Variants in ARNT observed in about 807,000 individuals in gnomAD.
The protein encoded by ARNT is class E basic helix-loop-helix protein 2.
ARNT carries 30 observed loss-of-function variants against 105.0 expected under a neutral mutation model. The ratio of observed to expected loss-of-function variants is 0.29; its 90% CI spans 0.21 to 0.39. The LOEUF (loss-of-function observed/expected upper bound fraction) is 0.39, where lower values mean the gene tolerates loss of function less well. ARNT is among the 10% of genes least tolerant of loss of function. The probability of loss-of-function intolerance (pLI) is 1.00; values close to 1 mark genes in which losing one functional copy is unlikely to be tolerated. For missense variants in ARNT, 748 were observed against 978.7 expected (o/e 0.76, Z 3.15); for synonymous variants, 304 against 344.0 (o/e 0.88, Z 1.29).
At chr1:150,849,144 G>A (rs754758990) in intron 3 of ARNT, among the ~76,000 whole-genome samples, 5 of 151,838 alleles carry the variant, frequency 3.3e-5, no homozygotes, top group East Asian at 1.9e-4. Flanking sequence ...CAGAGGTTGC[G>A]GTGAGCCGAG....
At chr1:150,846,436 A>G in intron 3 of ARNT, 129 bp from the exon 4 acceptor site, 4 of 868,702 alleles carry the variant, frequency 4.6e-6, no homozygotes, top group Non-Finnish European at 7.1e-6. Flanking sequence ...TCACAAAGTG[A>G]TAGAAATAAC....
intron 14 of ARNT, among the ~76,000 whole-genome samples, chr1:150,820,912 G>A (rs984277075): frequency 6.6e-6 from 1 of 152,194 alleles, no homozygotes; most frequent in African/African-American, 2.4e-5. Context: ...TGACCCCTGT[G>A]CCATCGAAAA....
intron 14 of ARNT, among the ~76,000 whole-genome samples, chr1:150,821,685 G>T (rs1455041478): frequency 6.6e-6 from 1 of 151,968 alleles, no homozygotes; most frequent in African/African-American, 2.4e-5. Flanking sequence ...GTCTCCCTCT[G>T]TCACCCAGGC....
chr1:150,866,262 C>T lies in ARNT; in HGVS notation c.26-7802G>A, dbSNP rs1364536323. 1.7e-4 allele frequency among the ~76,000 whole-genome samples: 11 copies of T among 63,938 alleles called. 1 individual carries two copies. Among genetic ancestry groups the T allele is most frequent in the African/African-American group, 4.5e-4 (11 of 24,566 alleles). 41.9% of individuals were successfully genotyped at this position (63,938 alleles called of 152,430 possible). A position where few individuals can be genotyped will look rare whatever the true frequency, so the allele number is the denominator to read the frequency against. On this transcript the variant is annotated intron_variant, in intron 1 of 21. Transcript: ENST00000358595. Reference sequence around the variant, plus strand: ...CCTCCCAAAATGCTGGGATTACAGGCGTGAGCCACCAAGGTCAGTCAGCCT... The same window carrying T: ...CCTCCCAAAATGCTGGGATTACAGGTGTGAGCCACCAAGGTCAGTCAGCCT...
chr1:150,856,964 A>G (rs1664728561), intron 2 of ARNT, among the ~76,000 whole-genome samples: 1 of 149,626 alleles, frequency 6.7e-6, no homozygotes, highest in African/African-American at 2.5e-5. Context: ...AAAAAACCAA[A>G]AAGAAAATTT....
intron 5 of ARNT, 143 bp downstream of exon 5, chr1:150,842,281 T>C: frequency 1.5e-6 from 2 of 1,341,880 alleles, no homozygotes; most frequent in Non-Finnish European, 1.9e-6. Flanking sequence ...CCTGTTACAC[T>C]CAAACTTCTA....
chr1:150,857,085 C>T (rs1310084574), intron 2 of ARNT, among the ~76,000 whole-genome samples: 2 of 152,144 alleles, frequency 1.3e-5, no homozygotes, highest in East Asian at 3.8e-4. Context: ...ATACTATTAC[C>T]CAGAAATGTG....
In ARNT at chr1:150,836,272, A is replaced by G; in HGVS notation, c.700+8T>C. ...TTCTCATTCATTTCCCATACACATA[A>G]CTCTCACCTGTCAGGGCATTTTCTG... On this transcript the variant is annotated splice_region_variant and intron_variant, in intron 7 of 21. Coordinates refer to ENST00000358595, the MANE Select transcript of ARNT (RefSeq NM_001668.4). 6.2e-7 allele frequency: 1 copy of G among 1,613,408 alleles called. No individual in the cohort carries two copies. Among genetic ancestry groups the G allele is most frequent in the South Asian group, 1.1e-5 (1 of 91,066 alleles).
intron 2 of ARNT, among the ~76,000 whole-genome samples, chr1:150,855,556 C>T (rs587668085): frequency 8.0e-5 from 12 of 150,130 alleles, no homozygotes; most frequent in East Asian, 7.8e-4. Context: ...AGCGAGACTC[C>T]GTCTCAAAAA....
intron 18 of ARNT, 112 bp downstream of exon 18, chr1:150,816,676 G>A (rs1655944727): frequency 3.9e-6 from 5 of 1,290,904 alleles, no homozygotes; most frequent in Non-Finnish European, 5.3e-6. Flanking sequence ...GGCCCTACAA[G>A]CTTCACTGCT....
At chr1:150,870,445 G>A (rs587688002) in intron 1 of ARNT, among the ~76,000 whole-genome samples, 3 of 152,164 alleles carry the variant, frequency 2.0e-5, no homozygotes, top group Non-Finnish European at 4.4e-5. Flanking sequence ...CAATGCTCTG[G>A]TAAACAAGGA....
chr1:150,817,798 A>G, intron 15 of ARNT, 122 bp downstream of exon 15: 1 of 768,774 alleles, frequency 1.3e-6, no homozygotes, highest in Admixed American at 2.8e-5. Flanking sequence ...GAGCAATGAG[A>G]GCAAAACTCC....
chr1:150,816,908 T>C lies in ARNT; in HGVS notation c.1700-18A>G. The stretch of plus-strand genomic sequence containing the variant: ...ACTCTGATCTGTGGACCAAAAGGAG[T>C]TGGGGAAGGGCCAGTCAAGGGGCTG... On this transcript the variant is annotated intron_variant, in intron 17 of 21. Coordinates refer to ENST00000358595, the MANE Select transcript of ARNT (RefSeq NM_001668.4). 1 of 1,605,692 alleles carries C rather than the reference T, an allele frequency of 6.2e-7. No homozygotes were observed. The highest frequency in any genetic ancestry group is 8.5e-7 in the Non-Finnish European group (1 of 1,177,810).
At chr1:150,861,363 C>A (rs1052505158) in intron 1 of ARNT, 5 of 367,368 alleles carry the variant, frequency 1.4e-5, no homozygotes, top group Non-Finnish European at 2.1e-5. Flanking sequence ...AGAATTACCA[C>A]ATGATCCAGC....
In ARNT at chr1:150,865,914, T is replaced by C. The variant is rs187472871; in HGVS notation, c.26-7454A>G. Among the ~76,000 whole-genome samples the C allele has an allele frequency of 1.2e-3, 182 of 152,332 alleles. 2 individuals are homozygous for C. Among genetic ancestry groups the C allele is most frequent in the Non-Finnish European group, 2.0e-3 (137 of 68,026 alleles). ...TTTCTTCTATTTCACTAATTGATAG[T>C]TTGCCTAGCTATGGAATTCTAAATT... On this transcript the variant is annotated intron_variant, in intron 1 of 21. Transcript: ENST00000358595.
intron 2 of ARNT, among the ~76,000 whole-genome samples, chr1:150,856,312 C>T (rs936738882): frequency 1.3e-5 from 2 of 151,890 alleles, no homozygotes; most frequent in African/African-American, 2.4e-5. Context: ...TCATGGCGGG[C>T]GCCTGTAGTC....
Position 150,817,163 on chromosome 1 carries a change from T to G in ARNT, c.1618A>C (p.Lys540Gln). The G allele has an allele frequency of 6.2e-7, 1 of 1,614,226 alleles. No homozygotes were observed. The highest frequency in any genetic ancestry group is 8.5e-7 in the Non-Finnish European group (1 of 1,180,030). The change falls in exon 17 of 22, where the codon AAG (lysine) becomes CAG (glutamine). Residue 540 changes from lysine to glutamine, a missense_variant. Coordinates refer to ENST00000358595, the MANE Select transcript of ARNT (RefSeq NM_001668.4). ...PVTTTGPEHS[K>Q]PLEKSDGLFA... Reference sequence around the variant, plus strand: ...AAACCATCTGACTTCTCAAGGGGCTTGCTGTGTTCTGGTCCTGTGGTTGTC... The same window carrying G: ...AAACCATCTGACTTCTCAAGGGGCTGGCTGTGTTCTGGTCCTGTGGTTGTC...
intron 12 of ARNT, among the ~76,000 whole-genome samples, chr1:150,827,582 G>A (rs1222960571): frequency 6.6e-6 from 1 of 152,080 alleles, no homozygotes; most frequent in Non-Finnish European, 1.5e-5. Flanking sequence ...AAATGTTAAT[G>A]GACGTTTAAA....
intron 4 of ARNT, 145 bp from the exon 5 acceptor site, chr1:150,842,613 G>T: frequency 1.6e-6 from 1 of 633,256 alleles, no homozygotes; most frequent in Non-Finnish European, 2.7e-6. Flanking sequence ...GAGAGAAAAG[G>T]ATATAGAACT....
Sources: allele counts gnomAD v4.1 joint callset (sites outside exome capture counted in the v4.1 genomes callset), GRCh38; gene constraint gnomAD v4.1.1; transcripts MANE v1.5; gene names NCBI Gene and HGNC (gene_info 2026-07-23, HGNC 2026-07-21).